Variants in PPP1CB observed in about 807,000 individuals in gnomAD.
PPP1CB encodes the protein protein phosphatase 1 catalytic subunit beta.
In PPP1CB, 2 loss-of-function variants were observed where a neutral mutation model predicts 43.7. That is an observed-to-expected ratio of 0.05 (90% CI 0.02 to 0.14). The LOEUF is 0.14. Among genes scored for constraint, PPP1CB ranks in the 10% least tolerant of loss-of-function variants. The pLI, the probability that PPP1CB is intolerant of heterozygous loss-of-function variation, is 1.00. For synonymous variants in PPP1CB, 136 were observed against 135.6 expected (o/e 1.00, Z -0.02); for missense variants, 84 against 398.0 (o/e 0.21, Z 6.71).
intron 6 of PPP1CB, among the ~76,000 whole-genome samples, chr2:28,790,341 A>AT (rs1264987823): frequency 1.3e-5 from 2 of 151,924 alleles, no homozygotes; most frequent in African/African-American, 4.8e-5. Flanking sequence ...TAATCTTTTA[A>AT]TTTTTTGTTT....
At chr2:28,793,532 A>G (rs967556886) in intron 6 of PPP1CB, among the ~76,000 whole-genome samples, 2 of 152,144 alleles carry the variant, frequency 1.3e-5, no homozygotes, top group South Asian at 2.1e-4. Context: ...AAAAACAAAA[A>G]AAGTACTTAG....
chr2:28,768,397 G>T (rs933059241), intron 1 of PPP1CB, among the ~76,000 whole-genome samples: 2 of 152,136 alleles, frequency 1.3e-5, no homozygotes, highest in Admixed American at 6.6e-5. Context: ...CTGCAGTCAG[G>T]TCCCTCTAAA....
intron 4 of PPP1CB, 45 bp downstream of exon 4, chr2:28,781,887 A>G (rs748326797): frequency 8.0e-7 from 1 of 1,257,384 alleles, no homozygotes; most frequent in East Asian, 2.3e-5. Flanking sequence ...TTCTTCTATT[A>G]TTCGGAAAAT....
intron 1 of PPP1CB, among the ~76,000 whole-genome samples, chr2:28,754,736 C>T (rs903368859): frequency 7.9e-5 from 12 of 152,296 alleles, no homozygotes; most frequent in Middle Eastern, 3.4e-3. Flanking sequence ...CCTGGATTTT[C>T]AGTGATATTA....
At chr2:28,764,352 C>T (rs746981007) in intron 1 of PPP1CB, among the ~76,000 whole-genome samples, 14 of 150,510 alleles carry the variant, frequency 9.3e-5, no homozygotes, top group Non-Finnish European at 1.8e-4. Flanking sequence ...CCCAGCTACT[C>T]GGGAGGCTGA....
intron 7 of PPP1CB, among the ~76,000 whole-genome samples, chr2:28,795,607 T>C (rs140309419): frequency 6.6e-6 from 1 of 152,368 alleles, no homozygotes; most frequent in Admixed American, 6.5e-5. Context: ...CGTTTGTTTT[T>C]TGAGAAGTGT....
chr2:28,783,746 G>C, intron 4 of PPP1CB, among the ~76,000 whole-genome samples, 161 bp from the exon 5 acceptor site: 1 of 148,708 alleles, frequency 6.7e-6, no homozygotes, highest in Non-Finnish European at 1.5e-5. Context: ...GACAGAGTAA[G>C]ATTCTGTCTC....
At position 28,783,782 on chromosome 2, in the gene PPP1CB, A is replaced by C. The variant is rs1667205394; in HGVS notation, c.521-125A>C. The C allele has an allele frequency of 1.1e-5, 7 of 666,122 alleles. No homozygotes were observed. The South Asian group carries it at 1.4e-4, about 14-fold the overall frequency. 41.3% of individuals were successfully genotyped at this position (666,122 alleles called of 1,614,324 possible). A position where few individuals can be genotyped will look rare whatever the true frequency, so the allele number is the denominator to read the frequency against. On this transcript the variant is annotated intron_variant, in intron 4 of 7. Transcript: ENST00000395366. The stretch of plus-strand genomic sequence containing the variant: ...GAAAAAAAAAAAAGACGTTAAAAGG[A>C]ACACTTTTCAGTATCTTTAATTTCA...
chr2:28,763,449 T>TG (rs1322135301), intron 1 of PPP1CB, among the ~76,000 whole-genome samples: 3 of 110,094 alleles, frequency 2.7e-5, no homozygotes, highest in South Asian at 2.8e-4. Flanking sequence ...GTCAGTGCAG[T>TG]GGAAAAAAAA....
At chr2:28,761,047 C>A (rs1207749172) in intron 1 of PPP1CB, among the ~76,000 whole-genome samples, 1 of 152,104 alleles carries the variant, frequency 6.6e-6, no homozygotes, top group Non-Finnish European at 1.5e-5. Context: ...ATTACAGGCG[C>A]CTGCCACCAT....
In PPP1CB at chr2:28,801,723, T is replaced by G. The variant is rs543438668; in HGVS notation, c.*2420T>G. The G allele has an allele frequency of 6.6e-6, 1 of 152,318 alleles. No homozygotes were observed. The highest frequency in any genetic ancestry group is 1.9e-4 in the East Asian group (1 of 5,190). 9.4% of individuals were successfully genotyped at this position (152,318 alleles called of 1,614,324 possible). ...CTGATTTTTTTCAGGTTAGTGATTT[T>G]TTTGTATACAATTTAATCCAAATGT... On this transcript the variant is annotated 3_prime_UTR_variant, in exon 8 of 8. Transcript: ENST00000395366.
chr2:28,780,331 TC>T (rs1667132695), intron 3 of PPP1CB, among the ~76,000 whole-genome samples: 1 of 152,178 alleles, frequency 6.6e-6, no homozygotes, highest in South Asian at 2.1e-4. Flanking sequence ...CCTCAGGTGA[TC>T]CACCCGCCTC....
At chr2:28,763,519 C>T (rs1264159627) in intron 1 of PPP1CB, among the ~76,000 whole-genome samples, 1 of 151,912 alleles carries the variant, frequency 6.6e-6, no homozygotes, top group African/African-American at 2.4e-5. Flanking sequence ...TTCTTCTTCA[C>T]TCTTTTCTCA....
At chr2:28,798,037 A>G (rs984955009) in intron 7 of PPP1CB, among the ~76,000 whole-genome samples, 1 of 152,194 alleles carries the variant, frequency 6.6e-6, no homozygotes, top group African/African-American at 2.4e-5. Flanking sequence ...AATTAAATAT[A>G]GTAACCATAC....
At chr2:28,788,502 G>A (rs1174885119) in intron 5 of PPP1CB, among the ~76,000 whole-genome samples, 156 bp from the exon 6 acceptor site, 1 of 152,188 alleles carries the variant, frequency 6.6e-6, no homozygotes, top group East Asian at 1.9e-4. Context: ...TTTAACAAAA[G>A]TATAAGTTAC....
At chr2:28,770,039 C>A (rs973572017) in intron 1 of PPP1CB, among the ~76,000 whole-genome samples, 1 of 151,968 alleles carries the variant, frequency 6.6e-6, no homozygotes, top group Non-Finnish European at 1.5e-5. Flanking sequence ...GAGGCCAAGG[C>A]GGACAGGTCA....
At chr2:28,781,313 A>G (rs560899149) in intron 3 of PPP1CB, among the ~76,000 whole-genome samples, 1 of 152,316 alleles carries the variant, frequency 6.6e-6, no homozygotes, top group African/African-American at 2.4e-5. Context: ...CTGATTTAAC[A>G]TATGCATTAC....
intron 1 of PPP1CB, among the ~76,000 whole-genome samples, chr2:28,754,077 T>C (rs1274733352): frequency 1.3e-5 from 2 of 152,230 alleles, no homozygotes; most frequent in Non-Finnish European, 2.9e-5. Context: ...ATTTAAATAT[T>C]TTAAAAATAT....
intron 1 of PPP1CB, among the ~76,000 whole-genome samples, chr2:28,768,765 T>C (rs1666835907): frequency 6.6e-6 from 1 of 152,186 alleles, no homozygotes; most frequent in African/African-American, 2.4e-5. Flanking sequence ...AAATAGGATA[T>C]GCTGTTTTGG....
Sources: gnomAD v4.1 joint callset for allele counts (sites outside exome capture counted in the v4.1 genomes callset) on GRCh38, gnomAD v4.1.1 for gene constraint, MANE v1.5 for transcripts, NCBI Gene and HGNC (gene_info 2026-07-23, HGNC 2026-07-21) for gene names.